Variants in KATNAL1 observed in about 807,000 individuals in gnomAD.
The protein encoded by KATNAL1 is katanin catalytic subunit A1 like 1.
Under a neutral mutation model 55.2 loss-of-function variants are expected in KATNAL1, and 32 were observed. That is an observed-to-expected ratio of 0.58 (90% CI 0.44 to 0.78). KATNAL1 has a LOEUF of 0.78. KATNAL1 is among the 30% of genes least tolerant of loss of function. The pLI is 0.00. For synonymous variants in KATNAL1, 193 were observed against 193.6 expected, an observed-to-expected ratio of 1.00 and a Z score of 0.02; for missense variants, 466 against 600.9, an observed-to-expected ratio of 0.78 and a Z score of 2.35.
At chr13:30,242,556 A>G (rs1877382703) in intron 4 of KATNAL1, among the ~76,000 whole-genome samples, 2 of 152,214 alleles carry the variant, frequency 1.3e-5, no homozygotes, top group African/African-American at 4.8e-5. Flanking sequence ...AAGTGCTGTG[A>G]AAAAACCTGA....
intron 1 of KATNAL1, among the ~76,000 whole-genome samples, chr13:30,297,314 C>G (rs1882579968): frequency 6.6e-6 from 1 of 152,160 alleles, no homozygotes; most frequent in African/African-American, 2.4e-5. Flanking sequence ...AAGATCCCCC[C>G]ACCAATAAAA....
intron 1 of KATNAL1, among the ~76,000 whole-genome samples, chr13:30,303,861 CT>C (rs1224253807): frequency 6.6e-6 from 1 of 152,178 alleles, no homozygotes; most frequent in African/African-American, 2.4e-5. Flanking sequence ...CTAATCATCA[CT>C]TTGTAATATA....
chr13:30,273,528 C>T (rs999006289), intron 3 of KATNAL1, among the ~76,000 whole-genome samples: 3 of 152,160 alleles, frequency 2.0e-5, no homozygotes, highest in African/African-American at 4.8e-5. Flanking sequence ...AAAGAAACCA[C>T]GTAAAAGCAC....
chr13:30,278,999 A>C (rs1475376980), intron 3 of KATNAL1, among the ~76,000 whole-genome samples: 3 of 152,240 alleles, frequency 2.0e-5, no homozygotes, highest in Non-Finnish European at 2.9e-5. Flanking sequence ...AAAAATCCAA[A>C]GGAATAAATT....
chr13:30,256,194 G>T (rs1159971865), intron 3 of KATNAL1, among the ~76,000 whole-genome samples: 1 of 152,154 alleles, frequency 6.6e-6, no homozygotes, highest in African/African-American at 2.4e-5. Flanking sequence ...CATGTTTTGA[G>T]AATGTCTAAA....
intron 9 of KATNAL1, among the ~76,000 whole-genome samples, chr13:30,218,567 T>C (rs1237620210): frequency 6.6e-6 from 1 of 152,136 alleles, no homozygotes; most frequent in Non-Finnish European, 1.5e-5. Context: ...CCAGAGGCAG[T>C]CTAATTCCCC....
At chr13:30,210,043 A>C (rs915051593) in intron 10 of KATNAL1, among the ~76,000 whole-genome samples, 2 of 152,174 alleles carry the variant, frequency 1.3e-5, no homozygotes, top group African/African-American at 4.8e-5. Flanking sequence ...CGGCCTCCCA[A>C]AGTGCTGGGA....
At chr13:30,281,889 A>G (rs925222499) in intron 2 of KATNAL1, 1 of 152,224 alleles carries the variant, frequency 6.6e-6, no homozygotes, top group Admixed American at 6.5e-5. Context: ...CGTTTTCTAA[A>G]AAGGATGTTA....
intron 3 of KATNAL1, among the ~76,000 whole-genome samples, chr13:30,279,337 A>G (rs952738141): frequency 2.6e-5 from 4 of 152,244 alleles, no homozygotes; most frequent in Admixed American, 6.5e-5. Flanking sequence ...CTTTTGAAGC[A>G]ACAAATAAAT....
intron 2 of KATNAL1, 76 bp from the exon 3 acceptor site, chr13:30,280,299 G>A: frequency 1.7e-6 from 2 of 1,163,948 alleles, no homozygotes; most frequent in Non-Finnish European, 2.3e-6. Flanking sequence ...AATTACTATA[G>A]AGTGCACGTT....
intron 1 of KATNAL1, among the ~76,000 whole-genome samples, chr13:30,292,465 G>C (rs1368121354): frequency 6.6e-6 from 1 of 152,034 alleles, no homozygotes; most frequent in African/African-American, 2.4e-5. Flanking sequence ...TGCATTACAG[G>C]AGAGGAGGCC....
intron 9 of KATNAL1, among the ~76,000 whole-genome samples, chr13:30,217,286 A>C (rs1053852425): frequency 3.3e-5 from 5 of 152,072 alleles, no homozygotes; most frequent in Non-Finnish European, 2.9e-5. Context: ...CCCTGTGTCT[A>C]CTAAAAATAC....
At chr13:30,218,588 T>C (rs1874544547) in intron 9 of KATNAL1, among the ~76,000 whole-genome samples, 1 of 152,148 alleles carries the variant, frequency 6.6e-6, no homozygotes, top group Admixed American at 6.6e-5. Context: ...TCCCCTTGAA[T>C]TGGTGTGGGC....
At chr13:30,246,136 A>G (rs1175993830) in intron 4 of KATNAL1, among the ~76,000 whole-genome samples, 1 of 152,210 alleles carries the variant, frequency 6.6e-6, no homozygotes, top group East Asian at 1.9e-4. Context: ...TGCTACCTTG[A>G]CTTCAAACTA....
chr13:30,289,196 A>G (rs1177544636), intron 1 of KATNAL1, among the ~76,000 whole-genome samples: 1 of 152,228 alleles, frequency 6.6e-6, no homozygotes, highest in Non-Finnish European at 1.5e-5. Context: ...CAAATAAACA[A>G]CTGAGCAGTA....
chr13:30,269,590 GTC>G (rs538738813), intron 3 of KATNAL1, among the ~76,000 whole-genome samples: 2 of 151,204 alleles, frequency 1.3e-5, no homozygotes, highest in African/African-American at 4.9e-5. Context: ...AGTGAGGAGC[GTC>G]TCTGCCCGGC....
chr13:30,223,311 A>G (rs148782442), intron 9 of KATNAL1, among the ~76,000 whole-genome samples: 9,515 of 151,108 alleles, frequency 0.063, 384 homozygotes, highest in South Asian at 0.085. Context: ...GAATGGTGGC[A>G]GGCGCCTGTG....
rs1374857056 is a variant in KATNAL1, at chr13:30,205,595, T to C, written c.*2945A>G. On this transcript the variant is annotated 3_prime_UTR_variant, in exon 11 of 11. Transcript: ENST00000380615. Reference sequence around the variant, plus strand: ...CTGGGTAAGGCAACACACTGTCTTCTGCAATAAAGACAGTCAGAGTGTGTG... The same window carrying C: ...CTGGGTAAGGCAACACACTGTCTTCCGCAATAAAGACAGTCAGAGTGTGTG... The C allele has an allele frequency of 1.3e-5, 2 of 151,844 alleles. No individual in the cohort carries two copies. Among genetic ancestry groups the C allele is most frequent in the African/African-American group, 4.9e-5 (2 of 41,148 alleles). 9.4% of individuals were successfully genotyped at this position (151,844 alleles called of 1,614,324 possible).
rs561585211 is a variant in KATNAL1, at chr13:30,265,234, G to C, written c.324-9619C>G. On this transcript the variant is annotated intron_variant, in intron 3 of 10. Transcript: ENST00000380615. ...TCTGGGGACTGTTGTGGGGTGGGGG[G>C]ACGGGGGAGGGATAGCATTGGGAGA... 6.1e-5 allele frequency among the ~76,000 whole-genome samples: 9 copies of C among 148,674 alleles called. No homozygotes were observed. In the South Asian group the frequency reaches 1.5e-3, roughly 25 times the overall value.
Sources: allele counts gnomAD v4.1 joint callset (sites outside exome capture counted in the v4.1 genomes callset), GRCh38; gene constraint gnomAD v4.1.1; transcripts MANE v1.5; gene names NCBI Gene and HGNC (gene_info 2026-07-23, HGNC 2026-07-21).